The following ADARB1 variants were observed in gnomAD, a reference collection of about 807,000 sequenced individuals.
ADARB1 encodes adenosine deaminase RNA specific B1.
Under a neutral mutation model 52.4 loss-of-function variants are expected in ADARB1, and 10 were observed. That is an observed-to-expected ratio of 0.19 (90% CI 0.12 to 0.32). The LOEUF is 0.32. Ranked by LOEUF, ADARB1 falls within the 10% of genes least tolerant of loss-of-function variation. The pLI, the probability that ADARB1 is intolerant of heterozygous loss-of-function variation, is 1.00. For synonymous variants in ADARB1, 349 were observed against 371.1 expected (o/e 0.94, Z 0.68); for missense variants, 643 against 922.3 (o/e 0.70, Z 3.92).
chr21:45,203,269 C>T (rs1437393353), intron 8 of ADARB1, among the ~76,000 whole-genome samples: 2 of 152,194 alleles, frequency 1.3e-5, no homozygotes. Context: ...GACATGCGTT[C>T]CTCCCTCAGC....
At chr21:45,124,443 C>G (rs937511046) in intron 1 of ADARB1, among the ~76,000 whole-genome samples, 1 of 151,986 alleles carries the variant, frequency 6.6e-6, no homozygotes, top group East Asian at 1.9e-4. Flanking sequence ...GGTGCAATTT[C>G]GGCTCACTGC....
chr21:45,215,180 T>C (rs1056418916), intron 9 of ADARB1, among the ~76,000 whole-genome samples: 67 of 152,296 alleles, frequency 4.4e-4, no homozygotes, highest in African/African-American at 1.5e-3. Context: ...CCTGAGTAGC[T>C]GGGACTACAG....
intron 1 of ADARB1, among the ~76,000 whole-genome samples, chr21:45,117,618 A>G (rs2087905241): frequency 6.6e-6 from 1 of 152,188 alleles, no homozygotes; most frequent in Non-Finnish European, 1.5e-5. Flanking sequence ...TATATAACTA[A>G]CGCAATGCTC....
Position 45,176,274 on chromosome 21 carries a change from C to CGTG in ADARB1, c.575_577dup (p.Val192dup), listed in dbSNP as rs768227299. The CGTG allele has an allele frequency of 6.2e-7, 1 of 1,614,192 alleles. No individual in the cohort carries two copies. Among genetic ancestry groups the CGTG allele is most frequent in the Non-Finnish European group, 8.5e-7 (1 of 1,180,024 alleles). On this transcript the variant is annotated inframe_insertion, in exon 4 of 11. Transcript: ENST00000348831. This position sits in a 1 kb window ranked among gnomAD's most constrained non-coding sequence, Gnocchi z 5.8. ...CTGACAAGGCGGAGCCTCCCTTTTA[C>CGTG]GTGGGCTCCAATGGGGATGACTCCT...
At chr21:45,141,238 A>G (rs1220024123) in intron 2 of ADARB1, among the ~76,000 whole-genome samples, 2 of 152,186 alleles carry the variant, frequency 1.3e-5, no homozygotes, top group African/African-American at 4.8e-5. Context: ...TTTGTGTAAC[A>G]TAATTTTATG....
chr21:45,180,767 G>A (rs989700326), intron 5 of ADARB1, among the ~76,000 whole-genome samples: 2 of 152,200 alleles, frequency 1.3e-5, no homozygotes, highest in African/African-American at 2.4e-5. Flanking sequence ...TTATTTGAAA[G>A]TAGAGCCTAT....
chr21:45,110,135 C>G (rs190929506), intron 1 of ADARB1, among the ~76,000 whole-genome samples: 6 of 152,258 alleles, frequency 3.9e-5, no homozygotes, highest in Non-Finnish European at 8.8e-5. Context: ...TTTTACTTGA[C>G]CTTTTCACTT....
chr21:45,189,595 A>T (rs1417240230), intron 8 of ADARB1, among the ~76,000 whole-genome samples: 1 of 152,108 alleles, frequency 6.6e-6, no homozygotes, highest in South Asian at 2.1e-4. Context: ...AACTTGAAGG[A>T]CTCACTTTAG....
In ADARB1 at chr21:45,163,586, C is replaced by G. The variant is rs534739683; in HGVS notation, c.-47-8024C>G. On this transcript the variant is annotated intron_variant, in intron 2 of 10. Transcript: ENST00000348831. Reference sequence around the variant, plus strand: ...CTGACTCTGGGCCCTCAAGGCCCCCCACTGGGGACGCTGACTCTGGGCCCT... The same window carrying G: ...CTGACTCTGGGCCCTCAAGGCCCCCGACTGGGGACGCTGACTCTGGGCCCT... 9.9e-5 allele frequency among the ~76,000 whole-genome samples: 15 copies of G among 151,822 alleles called. No homozygotes were observed. The East Asian group carries it at 2.7e-3, about 27-fold the overall frequency.
At chr21:45,189,852 C>A (rs144205764) in intron 8 of ADARB1, among the ~76,000 whole-genome samples, 7 of 151,932 alleles carry the variant, frequency 4.6e-5, no homozygotes, top group African/African-American at 1.7e-4. Flanking sequence ...TGACAAATGG[C>A]TTTTCACTTG....
At chr21:45,158,790 C>T (rs906722981) in intron 2 of ADARB1, among the ~76,000 whole-genome samples, 3 of 152,142 alleles carry the variant, frequency 2.0e-5, no homozygotes, top group Non-Finnish European at 4.4e-5. Context: ...ATGTACAGGG[C>T]ATACAATATT....
intron 1 of ADARB1, among the ~76,000 whole-genome samples, chr21:45,117,574 T>TAA (rs111492312): frequency 2.8e-5 from 4 of 144,242 alleles, no homozygotes; most frequent in African/African-American, 1.0e-4. Flanking sequence ...CTTTCACAGT[T>TAA]AAAAAAAAAA....
At position 45,113,943 on chromosome 21, in the gene ADARB1, A is replaced by G. The variant is rs115279472; in HGVS notation, c.-219-14459A>G. Among the ~76,000 whole-genome samples the G allele has an allele frequency of 3.4e-3, 524 of 152,358 alleles. 4 individuals carry two copies. Among genetic ancestry groups the G allele is most frequent in the African/African-American group, 0.011 (476 of 41,588 alleles). On this transcript the variant is annotated intron_variant, in intron 1 of 10. Transcript: ENST00000348831. ...GTATAAGAAAATTTATAATTCAGTT[A>G]GTTAAAAATATGTTTGAGCACCTGT...
At position 45,226,429 on chromosome 21, in the gene ADARB1, CTG is replaced by C. The variant is rs1351186860; in HGVS notation, c.*4236_*4237del. 15 of 152,670 alleles carry C rather than the reference CTG, an allele frequency of 9.8e-5. No individual in the cohort carries two copies. Among genetic ancestry groups the C allele is most frequent in the Non-Finnish European group, 1.5e-5 (1 of 68,054 alleles). The allele number at this position is 152,670 out of a possible 1,614,324, so 9.5% of individuals were successfully genotyped here. A position where few individuals can be genotyped will look rare whatever the true frequency, so the allele number is the denominator to read the frequency against. On this transcript the variant is annotated 3_prime_UTR_variant, in exon 11 of 11. Transcript: ENST00000348831. ...TCCTCAGTGTTCTCTGTATGTAAAT[CTG>C]TGTATACACCACACGTTACAACTGC...
intron 1 of ADARB1, among the ~76,000 whole-genome samples, chr21:45,085,640 C>G (rs1237424277): frequency 6.6e-6 from 1 of 152,226 alleles, no homozygotes; most frequent in Non-Finnish European, 1.5e-5. Flanking sequence ...GTGACATCTT[C>G]TAACTTCTAC....
At chr21:45,088,649 G>T (rs537292922) in intron 1 of ADARB1, among the ~76,000 whole-genome samples, 3 of 152,296 alleles carry the variant, frequency 2.0e-5, no homozygotes, top group African/African-American at 7.2e-5. Flanking sequence ...CTGATTAGTG[G>T]GCCAGAGTTT....
chr21:45,158,586 C>T (rs578126080), intron 2 of ADARB1, among the ~76,000 whole-genome samples: 3 of 152,132 alleles, frequency 2.0e-5, no homozygotes, highest in East Asian at 3.9e-4. Flanking sequence ...GGGACCTCCC[C>T]GAGGCCACTG....
Position 45,225,723 on chromosome 21 carries a change from C to G in ADARB1, c.*3526C>G. 1.9e-6 allele frequency: 1 copy of G among 519,736 alleles called. No individual in the cohort carries two copies. The allele number at this position is 519,736 out of a possible 1,614,324, so 32.2% of individuals were successfully genotyped here. A position where few individuals can be genotyped will look rare whatever the true frequency, so the allele number is the denominator to read the frequency against. ...CCAGAAGCAGGTGGTCTGCCCCAGG[C>G]ATAAAGAAGGAAAATTGGCCATCTT... On this transcript the variant is annotated 3_prime_UTR_variant, in exon 11 of 11. Coordinates refer to ENST00000348831, the MANE Select transcript of ADARB1 (RefSeq NM_001112.4).
At chr21:45,206,951 G>A (rs1354538111) in intron 9 of ADARB1, among the ~76,000 whole-genome samples, 6 of 152,100 alleles carry the variant, frequency 3.9e-5, no homozygotes, top group African/African-American at 2.4e-5. Flanking sequence ...GGGCTGTGCC[G>A]AGCTGATTCA....
Sources: allele counts gnomAD v4.1 joint callset (sites outside exome capture counted in the v4.1 genomes callset), GRCh38; gene constraint gnomAD v4.1.1; non-coding constraint Gnocchi (gnomAD v3.1); transcripts MANE v1.5; gene names NCBI Gene and HGNC (gene_info 2026-07-23, HGNC 2026-07-21).